PKHD1: variants seen among roughly 807,000 people sequenced by gnomAD.
PKHD1 encodes PKHD1 ciliary IPT domain containing fibrocystin/polyductin.
Under a neutral mutation model 412.0 loss-of-function variants are expected in PKHD1, and 291 were observed. The ratio of observed to expected loss-of-function variants is 0.71; its 90% CI spans 0.64 to 0.78. The LOEUF is 0.78. PKHD1 is among the 30% of genes least tolerant of loss of function. PKHD1 has a pLI of 0.00. For missense variants in PKHD1, 4,825 were observed against 4,950.7 expected (o/e 0.97, Z 0.76); for synonymous variants, 1,777 against 1,821.5 (o/e 0.98, Z 0.62).
intron 37 of PKHD1, among the ~76,000 whole-genome samples, chr6:51,921,018 T>A (rs1271209834): frequency 1.3e-5 from 2 of 152,162 alleles, no homozygotes; most frequent in African/African-American, 4.8e-5. Context: ...TCTCTTTTCT[T>A]CTCTATTAGT....
chr6:51,859,579 G>GATATTTCCAGAA (rs1773878756), intron 48 of PKHD1, among the ~76,000 whole-genome samples: 1 of 149,956 alleles, frequency 6.7e-6, no homozygotes, highest in South Asian at 2.1e-4. Flanking sequence ...CAATTGGGTA[G>GATATTTCCAGAA]ATATTTCCAG....
At chr6:51,636,575 A>AACAC (rs35387983) in intron 64 of PKHD1, among the ~76,000 whole-genome samples, 2,995 of 151,476 alleles carry the variant, frequency 0.02, 103 homozygotes, top group African/African-American at 0.068. Context: ...AACAACAACA[A>AACAC]ACACACACAC....
intron 55 of PKHD1, among the ~76,000 whole-genome samples, chr6:51,771,147 A>G (rs1265813832): frequency 6.6e-6 from 1 of 152,028 alleles, no homozygotes; most frequent in Admixed American, 6.6e-5. Context: ...ATGTATGTAT[A>G]TTAATATTTA....
chr6:51,908,800 C>A lies in PKHD1; in HGVS notation c.6682+483G>T, dbSNP rs560261504. Among the ~76,000 whole-genome samples the A allele has an allele frequency of 2.6e-5, 4 of 152,176 alleles. No individual in the cohort carries two copies. The East Asian group carries it at 7.8e-4, about 29-fold the overall frequency. ...GGTTTCAGCCCATTCCCCCTCATTT[C>A]CCCAGGCAAAAGATTCCTCTGATTT... On this transcript the variant is annotated intron_variant, in intron 40 of 66. Coordinates refer to ENST00000371117, the MANE Select transcript of PKHD1 (RefSeq NM_138694.4).
chr6:51,688,650 G>A (rs983194028), intron 60 of PKHD1, among the ~76,000 whole-genome samples: 11 of 151,880 alleles, frequency 7.2e-5, no homozygotes, highest in Non-Finnish European at 1.5e-4. Flanking sequence ...CAACAAGGGG[G>A]ATATCACCAC....
At chr6:51,927,028 C>G (rs80115651) in intron 37 of PKHD1, among the ~76,000 whole-genome samples, 4,303 of 152,128 alleles carry the variant, frequency 0.028, 119 homozygotes, top group East Asian at 0.11. Context: ...TGCCAGCTGA[C>G]CAGAACCCCA....
At chr6:51,977,043 T>C (rs1385475248) in intron 35 of PKHD1, among the ~76,000 whole-genome samples, 1 of 151,942 alleles carries the variant, frequency 6.6e-6, no homozygotes, top group Non-Finnish European at 1.5e-5. Flanking sequence ...AACCCTCAGA[T>C]TAAAAAATTA....
intron 15 of PKHD1, among the ~76,000 whole-genome samples, chr6:52,059,253 C>CTTTTTTT (rs1282772885): frequency 4.1e-5 from 4 of 98,278 alleles, no homozygotes; most frequent in African/African-American, 7.6e-5. Context: ...TTTTCTTTTT[C>CTTTTTTT]TTTTTCTTTT....
intron 60 of PKHD1, among the ~76,000 whole-genome samples, chr6:51,688,411 T>C (rs1398981527): frequency 6.7e-6 from 1 of 150,284 alleles, no homozygotes; most frequent in African/African-American, 2.5e-5. Flanking sequence ...ATATCACAAC[T>C]AAAACAACTA....
At position 51,748,123 on chromosome 6, in the gene PKHD1, C is replaced by T. The variant is rs199621305; in HGVS notation, c.9493G>A (p.Val3165Met). The change falls in exon 58 of 67, where the codon GTG becomes ATG. Residue 3165 changes from valine to methionine, a missense_variant. Val to Met is a conservative substitution (Grantham distance 21). Coordinates refer to ENST00000371117, the MANE Select transcript of PKHD1 (RefSeq NM_138694.4). ...ACCAGAGTAATGTTCTCTATCTCCACGCTGTTCTCTACATGTAACATGGCA... is the reference window on the plus strand; with the variant it reads ...ACCAGAGTAATGTTCTCTATCTCCATGCTGTTCTCTACATGTAACATGGCA... ...YGAMLHVENS[V>M]EIENITLVDN... The T allele has an allele frequency of 1.5e-4, 250 of 1,613,944 alleles. 1 individual carries two copies. Among genetic ancestry groups the T allele is most frequent in the Middle Eastern group, 6.6e-4 (4 of 6,060 alleles).
At chr6:51,740,248 A>G (rs891973354) in intron 60 of PKHD1, among the ~76,000 whole-genome samples, 3 of 152,230 alleles carry the variant, frequency 2.0e-5, no homozygotes, top group African/African-American at 7.2e-5. Flanking sequence ...CATTACACAG[A>G]TAGCAAAACC....
chr6:51,742,760 T>C (rs189139364), intron 60 of PKHD1, among the ~76,000 whole-genome samples: 2 of 152,182 alleles, frequency 1.3e-5, no homozygotes, highest in East Asian at 3.9e-4. Context: ...TACATTAACA[T>C]AAGCAATTAC....
At chr6:51,975,909 A>G (rs2128004077) in intron 35 of PKHD1, 1 of 142,858 alleles carries the variant, frequency 7.0e-6, no homozygotes, top group Admixed American at 7.3e-5. Context: ...GAGCCTGCCC[A>G]TGAATAGCCA....
In PKHD1 at chr6:51,882,423, A is replaced by G. The variant is rs73444448; in HGVS notation, c.7350+670T>C. Among the ~76,000 whole-genome samples the G allele has an allele frequency of 9.9e-3, 1,503 of 152,344 alleles. 24 individuals carry two copies. Among genetic ancestry groups the G allele is most frequent in the African/African-American group, 0.034 (1,415 of 41,580 alleles). Reference sequence around the variant, plus strand: ...GAAATAAATAATCTTCAATGGAAGTATAAGAATCAAAACTTATCATTTAAA... The same window carrying G: ...GAAATAAATAATCTTCAATGGAAGTGTAAGAATCAAAACTTATCATTTAAA... On this transcript the variant is annotated intron_variant, in intron 46 of 66. Transcript: ENST00000371117.
At chr6:51,899,423 T>C (rs1268704567) in intron 43 of PKHD1, among the ~76,000 whole-genome samples, 1 of 152,162 alleles carries the variant, frequency 6.6e-6, no homozygotes, top group Admixed American at 6.5e-5. Context: ...AACCACAGAA[T>C]TATCTCAATA....
At chr6:51,819,001 G>C (rs1208205340) in intron 52 of PKHD1, among the ~76,000 whole-genome samples, 2 of 152,034 alleles carry the variant, frequency 1.3e-5, no homozygotes, top group African/African-American at 4.8e-5. Context: ...TAATTTTCAG[G>C]GTTTTTTTAT....
chr6:51,902,600 C>A (rs577971787), intron 43 of PKHD1, among the ~76,000 whole-genome samples: 1 of 152,196 alleles, frequency 6.6e-6, no homozygotes, highest in Non-Finnish European at 1.5e-5. Flanking sequence ...AGAAGCTCAT[C>A]CTCTGAGTTC....
intron 35 of PKHD1, among the ~76,000 whole-genome samples, chr6:51,996,332 T>C (rs1346898244): frequency 3.9e-5 from 6 of 152,092 alleles, no homozygotes; most frequent in Non-Finnish European, 8.8e-5. Context: ...AATGTTTGTA[T>C]AGTATTTGGG....
At chr6:51,909,549 G>A in intron 39 of PKHD1, 75 bp from the exon 40 acceptor site, 3 of 1,119,576 alleles carry the variant, frequency 2.7e-6, no homozygotes, top group Non-Finnish European at 4.1e-6. Context: ...CAGTTTGAAA[G>A]GTACTGTCAG....
Sources: allele counts gnomAD v4.1 joint callset (sites outside exome capture counted in the v4.1 genomes callset), GRCh38; gene constraint gnomAD v4.1.1; transcripts MANE v1.5; gene names NCBI Gene and HGNC (gene_info 2026-07-23, HGNC 2026-07-21).